Variants in MYO10 observed in about 807,000 individuals in gnomAD.
The protein encoded by MYO10 is myosin X, also known as unconventional myosin-X.
Under a neutral mutation model 257.3 loss-of-function variants are expected in MYO10, and 133 were observed. That is an observed-to-expected ratio of 0.52 (90% confidence interval 0.45 to 0.60). The LOEUF (loss-of-function observed/expected upper bound fraction) is 0.60, where lower values mean the gene tolerates loss of function less well. Ranked by LOEUF, MYO10 falls within the 20% of genes least tolerant of loss-of-function variation. The pLI is 0.00. For synonymous variants in MYO10, 1,104 were observed against 1,028.6 expected, an observed-to-expected ratio of 1.07 and a Z score of -1.40; for missense variants, 2,399 against 2,635.7, an observed-to-expected ratio of 0.91 and a Z score of 1.97.
At chr5:16,735,954 C>T (rs1406296691) in intron 19 of MYO10, among the ~76,000 whole-genome samples, 1 of 152,200 alleles carries the variant, frequency 6.6e-6, no homozygotes, top group African/African-American at 2.4e-5. Flanking sequence ...CTCTACTCAT[C>T]CACACCCGCA....
At chr5:16,775,964 C>G (rs374046679) in intron 9 of MYO10, among the ~76,000 whole-genome samples, 1 of 152,006 alleles carries the variant, frequency 6.6e-6, no homozygotes, top group Non-Finnish European at 1.5e-5. Flanking sequence ...GACATAATCT[C>G]GGCTCACTGT....
At position 16,782,500 on chromosome 5, in the gene MYO10, A is replaced by G. The variant is rs1313344967; in HGVS notation, c.603-671T>C. Among the ~76,000 whole-genome samples, 5 of 152,216 alleles carry G rather than the reference A, an allele frequency of 3.3e-5. 1 individual carries two copies. Among genetic ancestry groups the G allele is most frequent in the Admixed American group, 3.3e-4 (5 of 15,278 alleles). Reference sequence around the variant, plus strand: ...GATGGCAGCAATGGTTGCATAACAAACATGAATGTACTTAATGCCAACGCC... The same window carrying G: ...GATGGCAGCAATGGTTGCATAACAAGCATGAATGTACTTAATGCCAACGCC... On this transcript the variant is annotated intron_variant, in intron 5 of 40. Coordinates refer to ENST00000513610, the MANE Select transcript of MYO10 (RefSeq NM_012334.3).
At chr5:16,687,307 C>T (rs1336730112) in intron 28 of MYO10, among the ~76,000 whole-genome samples, 2 of 151,320 alleles carry the variant, frequency 1.3e-5, no homozygotes, top group African/African-American at 2.4e-5. Flanking sequence ...GGTGACAGAG[C>T]AAAACTCTGC....
At chr5:16,802,190 G>T (rs1742138295) in intron 3 of MYO10, among the ~76,000 whole-genome samples, 1 of 152,184 alleles carries the variant, frequency 6.6e-6, no homozygotes, top group Non-Finnish European at 1.5e-5. Flanking sequence ...GGGGGAAATG[G>T]GGAGCTGTTG....
intron 2 of MYO10, among the ~76,000 whole-genome samples, chr5:16,851,823 C>T (rs772998759): frequency 2.0e-5 from 3 of 151,930 alleles, no homozygotes; most frequent in Admixed American, 6.6e-5. Flanking sequence ...GAGGCCAAGG[C>T]GGGCAGATCA....
chr5:16,796,793 G>A (rs1369052585), intron 3 of MYO10, among the ~76,000 whole-genome samples: 1 of 152,194 alleles, frequency 6.6e-6, no homozygotes, highest in Non-Finnish European at 1.5e-5. Flanking sequence ...TTCACATGCT[G>A]AAGCCCTAAT....
At chr5:16,740,900 C>A (rs1332679999) in intron 19 of MYO10, among the ~76,000 whole-genome samples, 2 of 151,414 alleles carry the variant, frequency 1.3e-5, no homozygotes, top group African/African-American at 4.9e-5. Flanking sequence ...AAAAAAAAAC[C>A]CAACATTCTC....
chr5:16,834,106 GGTCT>G (rs1262040176), intron 2 of MYO10, among the ~76,000 whole-genome samples: 2 of 151,942 alleles, frequency 1.3e-5, no homozygotes, highest in African/African-American at 4.8e-5. Context: ...ACTCTCCTGG[GGTCT>G]GTCTGTCTTT....
intron 2 of MYO10, among the ~76,000 whole-genome samples, chr5:16,838,509 T>C (rs1743379858): frequency 1.3e-5 from 2 of 152,130 alleles, no homozygotes; most frequent in Non-Finnish European, 2.9e-5. Flanking sequence ...CCAGCACAGA[T>C]TCGTTGATGA....
intron 17 of MYO10, among the ~76,000 whole-genome samples, chr5:16,758,774 T>C (rs1330557473): frequency 6.6e-6 from 1 of 152,186 alleles, no homozygotes; most frequent in Non-Finnish European, 1.5e-5. Context: ...ATTTATCCCC[T>C]AATGCCAGGT....
At chr5:16,858,417 C>CA (rs1360849583) in intron 2 of MYO10, among the ~76,000 whole-genome samples, 1 of 129,962 alleles carries the variant, frequency 7.7e-6, no homozygotes, top group Non-Finnish European at 1.6e-5. Context: ...CAGCTGCTTT[C>CA]AAAAAAGCTA....
intron 2 of MYO10, among the ~76,000 whole-genome samples, chr5:16,863,078 G>T (rs950898153): frequency 1.3e-5 from 2 of 152,216 alleles, no homozygotes; most frequent in Middle Eastern, 3.4e-3. Context: ...ACCCAGGGAG[G>T]AAAAAGGAGG....
At chr5:16,736,357 T>G (rs956240233) in intron 19 of MYO10, among the ~76,000 whole-genome samples, 2 of 152,212 alleles carry the variant, frequency 1.3e-5, no homozygotes, top group Non-Finnish European at 2.9e-5. Flanking sequence ...ACGCCCCAGA[T>G]AGCAGGAGCA....
chr5:16,934,570 T>G (rs1746381848), intron 1 of MYO10, among the ~76,000 whole-genome samples: 1 of 150,170 alleles, frequency 6.7e-6, no homozygotes, highest in African/African-American at 2.5e-5. Context: ...GTCTCACAAT[T>G]ATATATATTT....
intron 19 of MYO10, among the ~76,000 whole-genome samples, chr5:16,753,233 C>T (rs1202400595): frequency 6.6e-6 from 1 of 151,476 alleles, no homozygotes; most frequent in Non-Finnish European, 1.5e-5. Flanking sequence ...GTGGCATGAC[C>T]TCAGCTCACT....
intron 2 of MYO10, among the ~76,000 whole-genome samples, chr5:16,844,364 A>G (rs1743568620): frequency 6.6e-6 from 1 of 152,210 alleles, no homozygotes; most frequent in African/African-American, 2.4e-5. Flanking sequence ...AATGATGTCA[A>G]TATTTATCCG....
intron 3 of MYO10, among the ~76,000 whole-genome samples, chr5:16,811,164 G>A (rs549229474): frequency 6.6e-6 from 1 of 152,104 alleles, no homozygotes; most frequent in Non-Finnish European, 1.5e-5. Flanking sequence ...GATGGTAAGT[G>A]GGGGGGGGAT....
intron 3 of MYO10, among the ~76,000 whole-genome samples, chr5:16,805,354 C>T (rs966853229): frequency 6.9e-6 from 1 of 145,672 alleles, no homozygotes; most frequent in Non-Finnish European, 1.5e-5. Context: ...CCCAGCTACT[C>T]GGGAGGCTGA....
chr5:16,923,268 T>C (rs1746038045), intron 1 of MYO10, among the ~76,000 whole-genome samples: 1 of 151,864 alleles, frequency 6.6e-6, no homozygotes, highest in African/African-American at 2.4e-5. Context: ...AGATGTAGTG[T>C]ATTTTCACCT....
Sources: gnomAD v4.1 joint callset for allele counts (sites outside exome capture counted in the v4.1 genomes callset) on GRCh38, gnomAD v4.1.1 for gene constraint, MANE v1.5 for transcripts, NCBI Gene and HGNC (gene_info 2026-07-23, HGNC 2026-07-21) for gene names.